Variants in DNMT1 observed in about 807,000 individuals in gnomAD.
DNMT1 encodes DNA methyltransferase 1.
A neutral mutation model predicts 205.3 loss-of-function variants in DNMT1; 24 were observed. The observed-to-expected ratio is 0.12, with a 90% CI of 0.08 to 0.16. DNMT1 has a LOEUF of 0.16. Among genes scored for constraint, DNMT1 ranks in the 10% least tolerant of loss-of-function variants. The pLI, the probability that DNMT1 is intolerant of heterozygous loss-of-function variation, is 1.00. For synonymous variants in DNMT1, 817 were observed against 839.8 expected (o/e 0.97, Z 0.47); for missense variants, 1,293 against 2,177.7 (o/e 0.59, Z 8.09).
Position 10,151,873 on chromosome 19 carries a change from A to C in DNMT1, c.2020-26T>G. On this transcript the variant is annotated intron_variant, in intron 22 of 40. Transcript: ENST00000359526. This position sits in a 1 kb window ranked among gnomAD's most constrained non-coding sequence, Gnocchi z 5.0. Reference sequence around the variant, plus strand: ...CTAAAAAATGGCATTAAAAAGGCAAATCAGGGCTGGGCACAGTGGTTCATG... The same window carrying C: ...CTAAAAAATGGCATTAAAAAGGCAACTCAGGGCTGGGCACAGTGGTTCATG... The C allele has an allele frequency of 1.2e-6, 2 of 1,609,344 alleles. No homozygotes were observed. The highest frequency in any genetic ancestry group is 1.7e-6 in the Non-Finnish European group (2 of 1,175,904).
At position 10,154,620 on chromosome 19, in the gene DNMT1, G is replaced by C; in HGVS notation, c.1798C>G (p.Leu600Val). The C allele has an allele frequency of 6.2e-7, 1 of 1,614,064 alleles. No homozygotes were observed. The highest frequency in any genetic ancestry group is 1.1e-5 in the South Asian group (1 of 91,076). The change falls in exon 21 of 41, where the codon CTG (leucine) becomes GTG (valine). Residue 600 changes from leucine (L) to valine (V), a missense_variant. Coordinates refer to ENST00000359526, the MANE Select transcript of DNMT1 (RefSeq NM_001130823.3). The surrounding 1 kb of genome is among the most constrained non-coding windows in gnomAD (Gnocchi z 6.3). ...AGCGTGACCCCAGCCAGCTTGATCAGGTCCCGCATGCAGGGTGTCAGGAAG... is the reference window on the plus strand; with the variant it reads ...AGCGTGACCCCAGCCAGCTTGATCACGTCCCGCATGCAGGGTGTCAGGAAG... ...PIFLTPCMRD[L>V]IKLAGVTLGQ...
chr19:10,155,844 C>A lies in DNMT1; in HGVS notation c.1492+9G>T. The A allele has an allele frequency of 1.9e-6, 3 of 1,612,254 alleles. No homozygotes were observed. The highest frequency in any genetic ancestry group is 2.2e-5 in the South Asian group (2 of 90,626). ...ACCCCGGCCAGCCTATGATGGGCCA[C>A]ACACTTACAGGTGCTGAAGCCGATG... is the stretch of plus-strand genomic sequence containing the variant. On this transcript the variant is annotated intron_variant, in intron 19 of 40. Coordinates refer to ENST00000359526, the MANE Select transcript of DNMT1 (RefSeq NM_001130823.3).
rs570354490 is a variant in DNMT1 at position 10,138,079 on chromosome 19, C to T, written c.4116-70G>A. 1.3e-6 allele frequency: 2 copies of T among 1,528,274 alleles called. No individual in the cohort carries two copies. Among genetic ancestry groups the T allele is most frequent in the East Asian group, 2.4e-5 (1 of 41,978 alleles). The allele number at this position is 1,528,274 out of a possible 1,614,324, so 94.7% of individuals were successfully genotyped here. Reference sequence around the variant, plus strand: ...AGCTGTCCCCTCATCACAGGTGCCACCCCCTGCCTGCTCAGATGGCCTTCT... The same window carrying T: ...AGCTGTCCCCTCATCACAGGTGCCATCCCCTGCCTGCTCAGATGGCCTTCT... On this transcript the variant is annotated intron_variant, in intron 35 of 40. Transcript: ENST00000359526. The surrounding 1 kb of genome is among the most constrained non-coding windows in gnomAD (Gnocchi z 4.1).
rs2089610153 is a variant in DNMT1 at position 10,142,033 on chromosome 19, G to A, written c.3304C>T (p.Leu1102Phe). The A allele has an allele frequency of 6.2e-7, 1 of 1,612,512 alleles. No homozygotes were observed. Among genetic ancestry groups the A allele is most frequent in the Non-Finnish European group, 8.5e-7 (1 of 1,178,958 alleles). ...CTAGCAAGCAGGGGCACCACCTCGA[G>A]GAAGTAGAAGCGGTTGGGGCCGCCC... The part of the protein sequence containing the change: ...SMGGPNRFYF[L>F]EAYNAKSKSF... The change falls in exon 30 of 41, where the codon CTC (leucine) becomes TTC (phenylalanine). Residue 1102 changes from leucine (L) to phenylalanine (F), a missense_variant. Leu to Phe is a conservative substitution (Grantham distance 22). Transcript: ENST00000359526.
At chr19:10,141,910 C>T (rs1298397441) in intron 30 of DNMT1, 118 bp downstream of exon 30, 1 of 1,262,750 alleles carries the variant, frequency 7.9e-7, no homozygotes, top group African/African-American at 1.5e-5. Context: ...AGCCAACCAC[C>T]CACTTCTTAC....
At position 10,151,362 on chromosome 19, in the gene DNMT1, A is replaced by G; in HGVS notation, c.2265+36T>C. On this transcript the variant is annotated intron_variant, in intron 24 of 40. Transcript: ENST00000359526. This position sits in a 1 kb window ranked among gnomAD's most constrained non-coding sequence, Gnocchi z 5.0. ...AGAGGGCAACCTGCTTATTGGGAAC[A>G]TGGCAGTGAGCTGACCAAGGGGCTC... The G allele has an allele frequency of 6.2e-7, 1 of 1,608,656 alleles. No individual in the cohort carries two copies. Among genetic ancestry groups the G allele is most frequent in the Non-Finnish European group, 8.5e-7 (1 of 1,179,970 alleles).
At chr19:10,170,044 G>C (rs1248742641) in intron 9 of DNMT1, among the ~76,000 whole-genome samples, 1 of 152,190 alleles carries the variant, frequency 6.6e-6, no homozygotes. Flanking sequence ...CTGGACTTTG[G>C]GAGGCTGAGG....
chr19:10,185,552 C>T (rs145278026), intron 1 of DNMT1, among the ~76,000 whole-genome samples: 2,356 of 152,058 alleles, frequency 0.015, 69 homozygotes, highest in African/African-American at 0.054. Flanking sequence ...CCAGGCAAGA[C>T]GCAGTGGCTC....
At position 10,149,340 on chromosome 19, in the gene DNMT1, A is replaced by AC. The variant is rs1400479312; in HGVS notation, c.2586+112_2586+113insG. Reference sequence around the variant, plus strand: ...AACTCAGTCTCAAAACAAAAAAAAAAACAAAAAAAAAACCAAATTAAAAAA... The same window carrying AC: ...AACTCAGTCTCAAAACAAAAAAAAAACACAAAAAAAAAACCAAATTAAAAAA... On this transcript the variant is annotated intron_variant, in intron 26 of 40. Transcript: ENST00000359526. The AC allele has an allele frequency of 3.6e-4, 499 of 1,383,068 alleles. 3 individuals carry two copies. The African/African-American group carries it at 6.3e-3, about 17-fold the overall frequency. The allele number at this position is 1,383,068 out of a possible 1,614,324, so 85.7% of individuals were successfully genotyped here.
Position 10,166,657 on chromosome 19 carries a change from G to T in DNMT1, c.832C>A (p.Pro278Thr). The T allele has an allele frequency of 6.2e-7, 1 of 1,614,156 alleles. No individual in the cohort carries two copies. Among genetic ancestry groups the T allele is most frequent in the Non-Finnish European group, 8.5e-7 (1 of 1,180,022 alleles). Reference protein sequence around the residue: ...PTPKQKLKEEPDREARAGVQA... With the variant: ...PTPKQKLKEETDREARAGVQA... ...ACGCCTGCCCTGGCTTCTCTGTCCG[G>T]CTCCTCCTTCAGTTTCTGTTTGGGT... is the stretch of plus-strand genomic sequence containing the variant. The change falls in exon 11 of 41, where the codon CCG becomes ACG. Residue 278 changes from proline to threonine, a missense_variant. Physicochemically the swap from Pro to Thr is conservative, Grantham distance 38. Around this residue, in one of 13 missense-constraint regions of DNMT1, gnomAD observed 394 missense variants for 451.6 expected, o/e 0.87. Transcript: ENST00000359526.
intron 13 of DNMT1, among the ~76,000 whole-genome samples, chr19:10,162,423 C>T (rs1216251302): frequency 1.3e-5 from 2 of 151,806 alleles, no homozygotes; most frequent in African/African-American, 4.8e-5. Context: ...GCGTGCACCA[C>T]CATGCCCAGA....
In DNMT1 at chr19:10,140,373, T is replaced by TA. The variant is rs2089578622; in HGVS notation, c.3524-46_3524-45insT. ...GCCATGCTTTCAACTCTCCAGAAGA[T>TA]TTTTTTTTTTTTTTGAGATGGAGTC... On this transcript the variant is annotated intron_variant, in intron 32 of 40. Coordinates refer to ENST00000359526, the MANE Select transcript of DNMT1 (RefSeq NM_001130823.3). This position sits in a 1 kb window ranked among gnomAD's most constrained non-coding sequence, Gnocchi z 8.4. The TA allele has an allele frequency of 3.3e-6, 1 of 307,254 alleles. No homozygotes were observed. Among genetic ancestry groups the TA allele is most frequent in the Non-Finnish European group, 5.4e-6 (1 of 183,780 alleles). 19.0% of individuals were successfully genotyped at this position (307,254 alleles called of 1,614,324 possible).
chr19:10,140,021 C>A lies in DNMT1; in HGVS notation c.3806+25G>T, dbSNP rs575351588. Reference sequence around the variant, plus strand: ...GGCACAGCCCCGGGCCGTCTGGCAACACTGGGGGGCTTCTACCCGTTTACC... The same window carrying A: ...GGCACAGCCCCGGGCCGTCTGGCAAAACTGGGGGGCTTCTACCCGTTTACC... On this transcript the variant is annotated intron_variant, in intron 33 of 40. Transcript: ENST00000359526. The surrounding 1 kb of genome is among the most constrained non-coding windows in gnomAD (Gnocchi z 8.4). 53 of 1,604,720 alleles carry A rather than the reference C, an allele frequency of 3.3e-5. No homozygotes were observed. In the East Asian group the frequency reaches 4.9e-4, roughly 15 times the overall value.
chr19:10,138,168 G>A lies in DNMT1; in HGVS notation c.4116-159C>T, dbSNP rs1004689699. ...AGTGTGCCTGGATGCCATCTGGAAGGGGGGATGGGGCTATGGCGTGGGCTT... is the reference window on the plus strand; with the variant it reads ...AGTGTGCCTGGATGCCATCTGGAAGAGGGGATGGGGCTATGGCGTGGGCTT... On this transcript the variant is annotated intron_variant, in intron 35 of 40. Transcript: ENST00000359526. This position sits in a 1 kb window ranked among gnomAD's most constrained non-coding sequence, Gnocchi z 4.1. Among the ~76,000 whole-genome samples, 1 of 152,240 alleles carries A rather than the reference G, an allele frequency of 6.6e-6. No homozygotes were observed. The highest frequency in any genetic ancestry group is 2.1e-4 in the South Asian group (1 of 4,838).
chr19:10,155,634 T>C (rs1052050975), intron 19 of DNMT1, among the ~76,000 whole-genome samples: 9 of 152,178 alleles, frequency 5.9e-5, no homozygotes, highest in Non-Finnish European at 1.0e-4. Context: ...TGAGCCACCA[T>C]ATCCGGCCAA....
intron 1 of DNMT1, among the ~76,000 whole-genome samples, chr19:10,188,678 C>G (rs575700035): frequency 1.3e-5 from 2 of 152,310 alleles, no homozygotes; most frequent in African/African-American, 4.8e-5. Context: ...CCTGGATTAT[C>G]TGGGGTGGGC....
At position 10,191,718 on chromosome 19, in the gene DNMT1, G is replaced by A. The variant is rs544509622; in HGVS notation, c.80+3102C>T. On this transcript the variant is annotated intron_variant, in intron 1 of 40. Transcript: ENST00000359526. ...TAAGAACTCTTGAGGAATAATGGCC[G>A]GGCCCTGTGGCTCACGCCTGTAATC... 2.7e-3 allele frequency among the ~76,000 whole-genome samples: 406 copies of A among 152,238 alleles called. 3 individuals carry two copies. Among genetic ancestry groups the A allele is most frequent in the South Asian group, 8.3e-3 (40 of 4,828 alleles).
In DNMT1 at chr19:10,154,995, C is replaced by T; in HGVS notation, c.1554G>A (p.Met518Ile). The T allele has an allele frequency of 6.2e-7, 1 of 1,614,198 alleles. No homozygotes were observed. Among genetic ancestry groups the T allele is most frequent in the Non-Finnish European group, 8.5e-7 (1 of 1,180,042 alleles). The change falls in exon 20 of 41, where the codon ATG (methionine) becomes ATA (isoleucine). Residue 518 changes from methionine (M) to isoleucine (I), a missense_variant. Physicochemically the swap from Met to Ile is conservative, Grantham distance 10. Coordinates refer to ENST00000359526, the MANE Select transcript of DNMT1 (RefSeq NM_001130823.3). The surrounding 1 kb of genome is among the most constrained non-coding windows in gnomAD (Gnocchi z 6.3). Reference protein sequence around the residue: ...SPEYAPIFGLMQEKIYISKIV... With the variant: ...SPEYAPIFGLIQEKIYISKIV... ...TCTTGCTGATGTAGATCTTCTCCTG[C>T]ATCAGCCCAAATATGGGCGCATACT...
intron 26 of DNMT1, 39 bp downstream of exon 26, chr19:10,149,414 C>T (rs201415876): frequency 7.6e-5 from 122 of 1,609,662 alleles, no homozygotes; most frequent in African/African-American, 1.7e-4. Context: ...TGACCCTCCA[C>T]GATAAGGCAG....
Sources: allele counts gnomAD v4.1 joint callset (sites outside exome capture counted in the v4.1 genomes callset), GRCh38; gene constraint gnomAD v4.1.1; regional missense constraint gnomAD v4.1.1; non-coding constraint Gnocchi (gnomAD v3.1); transcripts MANE v1.5; gene names NCBI Gene and HGNC (gene_info 2026-07-23, HGNC 2026-07-21).